NALCN: variants seen among roughly 807,000 people sequenced by gnomAD.
NALCN encodes the protein sodium leak channel, non-selective.
In NALCN, 111 loss-of-function variants were observed where a neutral mutation model predicts 225.3. The ratio of observed to expected loss-of-function variants is 0.49; its 90% CI spans 0.42 to 0.58. The LOEUF is 0.58. Ranked by LOEUF, NALCN falls within the 20% of genes least tolerant of loss-of-function variation. The probability of loss-of-function intolerance (pLI) is 0.00; values close to 1 mark genes in which losing one functional copy is unlikely to be tolerated. For missense variants in NALCN, 1,378 were observed against 2,202.4 expected (o/e 0.63, Z 7.49); for synonymous variants, 764 against 769.0 (o/e 0.99, Z 0.11).
chr13:101,259,566 C>A (rs1416745021), intron 10 of NALCN, among the ~76,000 whole-genome samples: 9 of 151,346 alleles, frequency 5.9e-5, no homozygotes. Context: ...GATCTTCTGA[C>A]CTCATGATCC....
rs923358806 is a variant in NALCN, at chr13:101,151,993, C to T, written c.1840-7097G>A. On this transcript the variant is annotated intron_variant, in intron 15 of 43. Coordinates refer to ENST00000251127, the MANE Select transcript of NALCN (RefSeq NM_052867.4). ...AGTCAAATTAGTGCATAGAAGACAG[C>T]GATACTGTACAGTTTTCAAACGTTT... Among the ~76,000 whole-genome samples, 8 of 152,052 alleles carry T rather than the reference C, an allele frequency of 5.3e-5. No homozygotes were observed. In the East Asian group the frequency reaches 7.7e-4, roughly 15 times the overall value.
At chr13:101,110,085 C>T (rs977887618) in intron 20 of NALCN, among the ~76,000 whole-genome samples, 1 of 152,146 alleles carries the variant, frequency 6.6e-6, no homozygotes, top group Non-Finnish European at 1.5e-5. Flanking sequence ...GAACCCAGCA[C>T]AGAGCAAACA....
Position 101,148,889 on chromosome 13 carries a change from T to A in NALCN, c.1840-3993A>T, listed in dbSNP as rs192493822. Among the ~76,000 whole-genome samples the A allele has an allele frequency of 2.5e-3, 382 of 152,242 alleles. 1 individual carries two copies. The highest frequency in any genetic ancestry group is 5.1e-4 in the Non-Finnish European group (35 of 68,028). ...TGAATAAATTTGTTAGTGTGGAGTATGCGTGTCCTTAGATTCACAGAAGAG... is the reference window on the plus strand; with the variant it reads ...TGAATAAATTTGTTAGTGTGGAGTAAGCGTGTCCTTAGATTCACAGAAGAG... On this transcript the variant is annotated intron_variant, in intron 15 of 43. Coordinates refer to ENST00000251127, the MANE Select transcript of NALCN (RefSeq NM_052867.4).
chr13:101,396,002 A>G (rs949738300), intron 2 of NALCN, among the ~76,000 whole-genome samples: 1 of 152,134 alleles, frequency 6.6e-6, no homozygotes, highest in Non-Finnish European at 1.5e-5. Context: ...ATCTGGTCTC[A>G]TCCTACATTT....
At chr13:101,213,597 G>GA (rs924213589) in intron 13 of NALCN, among the ~76,000 whole-genome samples, 1 of 152,014 alleles carries the variant, frequency 6.6e-6, no homozygotes, top group African/African-American at 2.4e-5. Context: ...AAATTTACAA[G>GA]AAAAAATCAA....
At chr13:101,130,305 A>C (rs1321463018) in intron 17 of NALCN, among the ~76,000 whole-genome samples, 1 of 152,184 alleles carries the variant, frequency 6.6e-6, no homozygotes, top group Non-Finnish European at 1.5e-5. Context: ...GAATATCTTA[A>C]GGGTTTGCAT....
intron 1 of NALCN, among the ~76,000 whole-genome samples, chr13:101,414,992 C>G (rs543385683): frequency 2.0e-5 from 3 of 147,568 alleles, no homozygotes; most frequent in Admixed American, 2.0e-4. Flanking sequence ...TAGAAAAGCA[C>G]GCAGAATGAC....
intron 3 of NALCN, among the ~76,000 whole-genome samples, chr13:101,392,607 G>A (rs963935564): frequency 6.6e-6 from 1 of 151,956 alleles, no homozygotes; most frequent in African/African-American, 2.4e-5. Flanking sequence ...AAATAAAAAT[G>A]TTCACTACCT....
rs1321008289 is a variant in NALCN at position 101,143,133 on chromosome 13, A to G, written c.2065T>C (p.Cys689Arg). The G allele has an allele frequency of 6.2e-7, 1 of 1,614,148 alleles. No homozygotes were observed. Among genetic ancestry groups the G allele is most frequent in the Non-Finnish European group, 8.5e-7 (1 of 1,180,022 alleles). ...RSLPTTSSSSCDHSKRSAIED... is the reference protein window; with the variant it reads ...RSLPTTSSSSRDHSKRSAIED... ...ATTGCTGAGCGTTTGGAGTGGTCGC[A>G]GGAGGAGGAAGAGGTGGTCGGGAGG... Residue 689 changes from cysteine to arginine, a missense_variant, in exon 17 of 44, where the codon TGC becomes CGC. Transcript: ENST00000251127.
rs527689020 is a variant in NALCN, at chr13:101,265,137, C to T, written c.1135-6563G>A. ...TCACTGAATTTGTGGTTATTTGTTA[C>T]AGCAGCAACAGGAAACTAACACAGC... On this transcript the variant is annotated intron_variant, in intron 10 of 43. Coordinates refer to ENST00000251127, the MANE Select transcript of NALCN (RefSeq NM_052867.4). 3.2e-3 allele frequency among the ~76,000 whole-genome samples: 491 copies of T among 152,248 alleles called. 2 individuals are homozygous for T. Among genetic ancestry groups the T allele is most frequent in the Non-Finnish European group, 5.5e-3 (372 of 68,004 alleles).
chr13:101,111,004 G>T, intron 19 of NALCN, 121 bp downstream of exon 19: 1 of 948,122 alleles, frequency 1.1e-6, no homozygotes, highest in Non-Finnish European at 1.6e-6. Context: ...AATAGAACGC[G>T]ATTCCTCAGC....
chr13:101,143,014 C>A, intron 17 of NALCN, 66 bp downstream of exon 17: 1 of 1,583,876 alleles, frequency 6.3e-7, no homozygotes. Context: ...CTAAAGAACT[C>A]TGCGGTTCTT....
At chr13:101,237,089 C>A (rs9557601) in intron 12 of NALCN, among the ~76,000 whole-genome samples, 4 of 151,404 alleles carry the variant, frequency 2.6e-5, no homozygotes, top group South Asian at 2.1e-4. Flanking sequence ...GGACAGTGAG[C>A]GTGTTGCTAT....
At chr13:101,111,481 G>T (rs891207992) in intron 18 of NALCN, among the ~76,000 whole-genome samples, 11 of 152,096 alleles carry the variant, frequency 7.2e-5, no homozygotes, top group African/African-American at 2.4e-4. Context: ...TCCTCCTTCT[G>T]CCTCCTCCCT....
chr13:101,143,354 A>T lies in NALCN; in HGVS notation c.1977-133T>A, dbSNP rs1165572658. 4 of 832,786 alleles carry T rather than the reference A, an allele frequency of 4.8e-6. No homozygotes were observed. In the African/African-American group the frequency reaches 6.9e-5, roughly 14 times the overall value. The allele number at this position is 832,786 out of a possible 1,614,324, so 51.6% of individuals were successfully genotyped here. On this transcript the variant is annotated intron_variant, in intron 16 of 43. Coordinates refer to ENST00000251127, the MANE Select transcript of NALCN (RefSeq NM_052867.4). ...GATCATAGAAAACTAGATCATGACTAAAATATTTCATTAGCAACAGCTTCC... is the reference window on the plus strand; with the variant it reads ...GATCATAGAAAACTAGATCATGACTTAAATATTTCATTAGCAACAGCTTCC...
At chr13:101,207,489 G>T (rs2040356968) in intron 13 of NALCN, among the ~76,000 whole-genome samples, 1 of 152,060 alleles carries the variant, frequency 6.6e-6, no homozygotes, top group African/African-American at 2.4e-5. Flanking sequence ...TTTTCTTTTT[G>T]TTCTCTACAT....
intron 13 of NALCN, among the ~76,000 whole-genome samples, chr13:101,194,199 T>C (rs1249392026): frequency 1.3e-5 from 2 of 152,080 alleles, no homozygotes; most frequent in East Asian, 1.9e-4. Context: ...AGATAAGCGA[T>C]GTGGGCAAGA....
chr13:101,190,971 A>T (rs1439708107), intron 14 of NALCN, among the ~76,000 whole-genome samples: 2 of 152,228 alleles, frequency 1.3e-5, no homozygotes, highest in African/African-American at 4.8e-5. Context: ...ATGTGACATC[A>T]GATAAATTAC....
intron 17 of NALCN, among the ~76,000 whole-genome samples, chr13:101,137,784 T>A (rs558794543): frequency 2.0e-5 from 3 of 152,354 alleles, no homozygotes; most frequent in African/African-American, 7.2e-5. Context: ...TTGCTGAGTC[T>A]GACTTCATGG....
Sources: allele counts gnomAD v4.1 joint callset (sites outside exome capture counted in the v4.1 genomes callset), GRCh38; gene constraint gnomAD v4.1.1; transcripts MANE v1.5; gene names NCBI Gene and HGNC (gene_info 2026-07-23, HGNC 2026-07-21).